Variants in ITGA6 observed in about 807,000 individuals in gnomAD.
ITGA6 encodes the protein integrin subunit alpha 6.
In ITGA6, 63 loss-of-function variants were observed where a neutral mutation model predicts 133.6. The ratio of observed to expected loss-of-function variants is 0.47; its 90% CI spans 0.38 to 0.58. The LOEUF is 0.58. ITGA6 is among the 20% of genes least tolerant of loss of function. The pLI is 0.00. For synonymous variants in ITGA6, 434 were observed against 482.0 expected, an observed-to-expected ratio of 0.90 and a Z score of 1.30; for missense variants, 1,068 against 1,309.4, an observed-to-expected ratio of 0.82 and a Z score of 2.85.
chr2:172,465,895 G>T, intron 2 of ITGA6: 1 of 614,596 alleles, frequency 1.6e-6, no homozygotes, highest in Middle Eastern at 4.4e-4. Flanking sequence ...AAACCGATAT[G>T]GTGTAGGGAT....
At chr2:172,477,333 A>G (rs1206034833) in intron 9 of ITGA6, among the ~76,000 whole-genome samples, 1 of 152,200 alleles carries the variant, frequency 6.6e-6, no homozygotes, top group East Asian at 1.9e-4. Flanking sequence ...GGAAATCACC[A>G]TTAAAAATTG....
chr2:172,478,186 A>T (rs2149052986), intron 9 of ITGA6, among the ~76,000 whole-genome samples: 1 of 152,352 alleles, frequency 6.6e-6, no homozygotes, highest in East Asian at 1.9e-4. Flanking sequence ...AATGTAAAAT[A>T]AAAATAGAAT....
At chr2:172,437,757 G>A (rs560699150) in intron 1 of ITGA6, among the ~76,000 whole-genome samples, 1 of 152,308 alleles carries the variant, frequency 6.6e-6, no homozygotes, top group Admixed American at 6.5e-5. Context: ...CACCAAGGAC[G>A]GGGATGGAGG....
chr2:172,477,996 T>C (rs1686251718), intron 9 of ITGA6, among the ~76,000 whole-genome samples: 2 of 152,236 alleles, frequency 1.3e-5, no homozygotes, highest in African/African-American at 2.4e-5. Context: ...AATTCATGTA[T>C]ATTTTGCCCT....
At chr2:172,497,529 G>A (rs1374121731) in intron 23 of ITGA6, among the ~76,000 whole-genome samples, 1 of 147,690 alleles carries the variant, frequency 6.8e-6, no homozygotes, top group African/African-American at 2.5e-5. Flanking sequence ...AAGTATGATT[G>A]TTCTCAAAAA....
Position 172,497,350 on chromosome 2 carries a change from T to C in ITGA6, c.2989-625T>C, listed in dbSNP as rs144750135. Among the ~76,000 whole-genome samples the C allele has an allele frequency of 1.1e-3, 168 of 152,074 alleles. 2 individuals carry two copies. The East Asian group carries it at 0.02, about 18-fold the overall frequency. On this transcript the variant is annotated intron_variant, in intron 23 of 25. Coordinates refer to ENST00000684293, the MANE Select transcript of ITGA6 (RefSeq NM_000210.4). ...TCAACAAAAAAATTTTTAAAAAAATTAGCTGTGAGTGGTGGCATGCGCCTG... is the reference window on the plus strand; with the variant it reads ...TCAACAAAAAAATTTTTAAAAAAATCAGCTGTGAGTGGTGGCATGCGCCTG...
chr2:172,427,523 G>T, upstream of ITGA6: 1 of 1,146,192 alleles, frequency 8.7e-7, no homozygotes, highest in Non-Finnish European at 1.1e-6. Flanking sequence ...GGGCGAGAGG[G>T]TGGGGAGGGG....
Position 172,489,297 on chromosome 2 carries a change from T to A in ITGA6, c.2506-188T>A, listed in dbSNP as rs967068933. ...AGTTGTCCTTTGACCTTTTTGTTTT[T>A]ATTTACAAAAATCTTTAGGCACAAG... On this transcript the variant is annotated intron_variant, in intron 19 of 25. Transcript: ENST00000684293. 2.0e-5 allele frequency among the ~76,000 whole-genome samples: 3 copies of A among 152,232 alleles called. No homozygotes were observed. The East Asian group carries it at 5.8e-4, about 29-fold the overall frequency.
upstream of ITGA6, chr2:172,427,468 CG>C (rs1485629563): frequency 9.7e-7 from 1 of 1,029,178 alleles, no homozygotes; most frequent in African/African-American, 2.0e-5. Flanking sequence ...CCAGAGCCGG[CG>C]GGTAAGGTGC....
Position 172,475,699 on chromosome 2 carries a change from CG to C in ITGA6, c.1269+17del, listed in dbSNP as rs1474076271. 6 of 1,442,754 alleles carry C rather than the reference CG, an allele frequency of 4.2e-6. No individual in the cohort carries two copies. Among genetic ancestry groups the C allele is most frequent in the Non-Finnish European group, 5.9e-6 (6 of 1,023,834 alleles). 89.4% of individuals were successfully genotyped at this position (1,442,754 alleles called of 1,614,324 possible). A position where few individuals can be genotyped will look rare whatever the true frequency, so the allele number is the denominator to read the frequency against. On this transcript the variant is annotated intron_variant, in intron 8 of 25. Coordinates refer to ENST00000684293, the MANE Select transcript of ITGA6 (RefSeq NM_000210.4). ...AAACCAACACAGGTAACCAAATAAC[CG>C]GGATTTCTACAGCTAGAGTCTCAAC...
In ITGA6 at chr2:172,504,348, A is replaced by G. The variant is rs1687474567; in HGVS notation, c.*280A>G. 9 of 944,522 alleles carry G rather than the reference A, an allele frequency of 9.5e-6. No individual in the cohort carries two copies. Among genetic ancestry groups the G allele is most frequent in the Non-Finnish European group, 1.3e-5 (8 of 635,098 alleles). The allele number at this position is 944,522 out of a possible 1,614,324, so 58.5% of individuals were successfully genotyped here. A position where few individuals can be genotyped will look rare whatever the true frequency, so the allele number is the denominator to read the frequency against. The stretch of plus-strand genomic sequence containing the variant: ...TTAAAAGCCTGCTCAATCCCTGAGG[A>G]CTGATTTCAGAGTGACTACACACAG... On this transcript the variant is annotated 3_prime_UTR_variant, in exon 26 of 26. Coordinates refer to ENST00000684293, the MANE Select transcript of ITGA6 (RefSeq NM_000210.4).
At position 172,487,245 on chromosome 2, in the gene ITGA6, G is replaced by A. The variant is rs201121225; in HGVS notation, c.1971-19G>A. The A allele has an allele frequency of 9.3e-6, 15 of 1,604,934 alleles. No homozygotes were observed. The highest frequency in any genetic ancestry group is 1.2e-5 in the Non-Finnish European group (14 of 1,172,076). On this transcript the variant is annotated intron_variant, in intron 14 of 25. Transcript: ENST00000684293. The stretch of plus-strand genomic sequence containing the variant: ...TTGAGGACTTTGCCTTTTTGTTCTT[G>A]TTTTCTTATTTTTAATAGTCAAAAA...
intron 17 of ITGA6, 74 bp from the exon 18 acceptor site, chr2:172,487,887 C>A: frequency 6.7e-7 from 1 of 1,497,190 alleles, no homozygotes. Context: ...TGATCTACCT[C>A]ATAAAAGAAG....
At position 172,479,718 on chromosome 2, in the gene ITGA6, G is replaced by A; in HGVS notation, c.1466G>A (p.Cys489Tyr). Residue 489 changes from cysteine (C) to tyrosine (Y), a missense_variant, in exon 10 of 26, where the codon TGT becomes TAT. Transcript: ENST00000684293. ...ATTGACCTCCGCCAGAAAACAGCGT[G>A]TGGGGCGCCTAGTGGGATATGGTGA... is the stretch of plus-strand genomic sequence containing the variant. Reference protein sequence around the residue: ...NRIDLRQKTACGAPSGICLQV... With the variant: ...NRIDLRQKTAYGAPSGICLQV... 3 of 1,613,870 alleles carry A rather than the reference G, an allele frequency of 1.9e-6. No individual in the cohort carries two copies. In the African/African-American group the frequency reaches 4.0e-5, roughly 22 times the overall value.
In ITGA6 at chr2:172,487,011, G is replaced by A. The variant is rs1221841281; in HGVS notation, c.1855-12G>A. 10 of 1,493,498 alleles carry A rather than the reference G, an allele frequency of 6.7e-6. No homozygotes were observed. Among genetic ancestry groups the A allele is most frequent in the Middle Eastern group, 1.7e-4 (1 of 5,884 alleles). The allele number at this position is 1,493,498 out of a possible 1,614,324, so 92.5% of individuals were successfully genotyped here. A position where few individuals can be genotyped will look rare whatever the true frequency, so the allele number is the denominator to read the frequency against. ...ATGGTGTAAATTGACAATAGTTTTC[G>A]TTTTCCTACAGGTTCACTTCTTAAA... On this transcript the variant is annotated splice_polypyrimidine_tract_variant and intron_variant, in intron 13 of 25. Transcript: ENST00000684293.
chr2:172,443,644 T>C (rs1684632060), intron 1 of ITGA6, among the ~76,000 whole-genome samples: 1 of 152,268 alleles, frequency 6.6e-6, no homozygotes, highest in Non-Finnish European at 1.5e-5. Flanking sequence ...TCAATGTTTG[T>C]GTCCTAGCTG....
At position 172,474,084 on chromosome 2, in the gene ITGA6, G is replaced by A; in HGVS notation, c.805G>A (p.Val269Ile). 5 of 1,613,482 alleles carry A rather than the reference G, an allele frequency of 3.1e-6. No individual in the cohort carries two copies. Among genetic ancestry groups the A allele is most frequent in the Non-Finnish European group, 4.2e-6 (5 of 1,179,952 alleles). Residue 269 changes from valine (V) to isoleucine (I), a missense_variant, in exon 6 of 26, where the codon GTT becomes ATT. Coordinates refer to ENST00000684293, the MANE Select transcript of ITGA6 (RefSeq NM_000210.4). ...GFSLDSGKGI[V>I]SKDEITFVSG... Reference sequence around the variant, plus strand: ...TTCTTTGGACTCAGGGAAAGGTATTGTTTCTAAAGATGAGATCACTTTTGT... The same window carrying A: ...TTCTTTGGACTCAGGGAAAGGTATTATTTCTAAAGATGAGATCACTTTTGT...
chr2:172,444,313 A>G (rs2149006326), intron 1 of ITGA6, among the ~76,000 whole-genome samples: 1 of 152,332 alleles, frequency 6.6e-6, no homozygotes. Flanking sequence ...ATATTATCTC[A>G]GCAATAGCAA....
rs201149707 is a variant in ITGA6, at chr2:172,476,384, G to A, written c.1270-11G>A. On this transcript the variant is annotated splice_polypyrimidine_tract_variant and intron_variant, in intron 8 of 25. Coordinates refer to ENST00000684293, the MANE Select transcript of ITGA6 (RefSeq NM_000210.4). ...AACCTAATGTCCATTCGGATGCCCT[G>A]TGTATTTCAGGTTCTCAAGGGTATA... 1.5e-5 allele frequency: 21 copies of A among 1,378,840 alleles called. No individual in the cohort carries two copies. Among genetic ancestry groups the A allele is most frequent in the African/African-American group, 2.8e-5 (2 of 70,220 alleles). The allele number at this position is 1,378,840 out of a possible 1,614,324, so 85.4% of individuals were successfully genotyped here.
Sources: allele counts gnomAD v4.1 joint callset (sites outside exome capture counted in the v4.1 genomes callset), GRCh38; gene constraint gnomAD v4.1.1; transcripts MANE v1.5; gene names NCBI Gene and HGNC (gene_info 2026-07-23, HGNC 2026-07-21).